Variants in SCAPER observed in about 807,000 individuals in gnomAD.
The protein encoded by SCAPER is S-phase cyclin A associated protein in the ER.
In SCAPER, 98 loss-of-function variants were observed where a neutral mutation model predicts 182.2. The ratio of observed to expected loss-of-function variants is 0.54; its 90% CI spans 0.46 to 0.64. The LOEUF (loss-of-function observed/expected upper bound fraction) is 0.64. Ranked by LOEUF, SCAPER falls within the 30% of genes least tolerant of loss-of-function variation. SCAPER has a pLI of 0.00. For synonymous variants in SCAPER, 605 were observed against 564.6 expected, an observed-to-expected ratio of 1.07 and a Z score of -1.01; for missense variants, 1,432 against 1,690.0, an observed-to-expected ratio of 0.85 and a Z score of 2.68.
chr15:76,603,205 T>C (rs2145813359), intron 22 of SCAPER, among the ~76,000 whole-genome samples: 1 of 118,200 alleles, frequency 8.5e-6, no homozygotes, highest in East Asian at 2.3e-4. Context: ...CCCACAACAG[T>C]CCCCAGAGTG....
intron 23 of SCAPER, among the ~76,000 whole-genome samples, chr15:76,532,679 G>C (rs922354434): frequency 1.3e-5 from 2 of 152,120 alleles, no homozygotes; most frequent in Admixed American, 1.3e-4. Flanking sequence ...ATTTTCTGAA[G>C]AAAATTCACC....
intron 21 of SCAPER, among the ~76,000 whole-genome samples, chr15:76,643,226 C>G (rs1293768471): frequency 6.6e-6 from 1 of 152,164 alleles, no homozygotes; most frequent in Non-Finnish European, 1.5e-5. Flanking sequence ...TTCTCCAATC[C>G]ATCTCCTTCC....
intron 27 of SCAPER, 96 bp downstream of exon 27, chr15:76,404,428 G>T: frequency 8.2e-7 from 1 of 1,213,778 alleles, no homozygotes; most frequent in Non-Finnish European, 1.1e-6. Flanking sequence ...TGGCCAAGAT[G>T]ACCACTTGAA....
intron 27 of SCAPER, among the ~76,000 whole-genome samples, chr15:76,399,033 C>T (rs1175581035): frequency 6.6e-6 from 1 of 152,184 alleles, no homozygotes; most frequent in Admixed American, 6.5e-5. Context: ...GAGCCTCAAC[C>T]AATTACAGCA....
chr15:76,557,612 C>T (rs1208358078), intron 23 of SCAPER, among the ~76,000 whole-genome samples: 3 of 152,124 alleles, frequency 2.0e-5, no homozygotes, highest in Non-Finnish European at 4.4e-5. Flanking sequence ...AGTGCCTGCT[C>T]CCCCTTTGCC....
At chr15:76,628,533 A>C (rs1164210682) in intron 21 of SCAPER, among the ~76,000 whole-genome samples, 1 of 152,198 alleles carries the variant, frequency 6.6e-6, no homozygotes, top group Non-Finnish European at 1.5e-5. Context: ...TGAATAGGGA[A>C]TCCTTTCCCC....
chr15:76,882,046 A>G (rs1289071446), intron 2 of SCAPER, among the ~76,000 whole-genome samples: 2 of 152,152 alleles, frequency 1.3e-5, no homozygotes, highest in Non-Finnish European at 2.9e-5. Flanking sequence ...TCAAAGGAAA[A>G]AGAATTCCCT....
chr15:76,723,445 G>A (rs547136936), intron 17 of SCAPER, among the ~76,000 whole-genome samples: 1 of 152,238 alleles, frequency 6.6e-6, no homozygotes, highest in African/African-American at 2.4e-5. Flanking sequence ...TGTCTATTAG[G>A]TCTGCTTGGT....
Position 76,805,016 on chromosome 15 carries a change from C to T in SCAPER, c.394-383G>A, listed in dbSNP as rs372750002. 2.6e-5 allele frequency among the ~76,000 whole-genome samples: 4 copies of T among 152,194 alleles called. No individual in the cohort carries two copies. The South Asian group carries it at 8.3e-4, about 32-fold the overall frequency. Reference sequence around the variant, plus strand: ...TTAAGTCCAGGAGTTCAAGACCAACCTGGGCAAGATAATAAGATGCCATCT... The same window carrying T: ...TTAAGTCCAGGAGTTCAAGACCAACTTGGGCAAGATAATAAGATGCCATCT... On this transcript the variant is annotated intron_variant, in intron 5 of 31. Transcript: ENST00000563290.
At chr15:76,614,636 C>A (rs1290502462) in intron 22 of SCAPER, among the ~76,000 whole-genome samples, 1 of 151,872 alleles carries the variant, frequency 6.6e-6, no homozygotes, top group Non-Finnish European at 1.5e-5. Context: ...AATGAAAGCA[C>A]AACATATCAA....
At chr15:76,566,425 A>T (rs1372537049) in intron 23 of SCAPER, among the ~76,000 whole-genome samples, 1 of 152,108 alleles carries the variant, frequency 6.6e-6, no homozygotes, top group Non-Finnish European at 1.5e-5. Flanking sequence ...ATTTGGCAGG[A>T]TTCTATAAAG....
intron 25 of SCAPER, among the ~76,000 whole-genome samples, chr15:76,466,903 C>A (rs887811056): frequency 6.6e-6 from 1 of 152,016 alleles, no homozygotes; most frequent in African/African-American, 2.4e-5. Context: ...TTTGGATTTG[C>A]GTCCCTGCCC....
At chr15:76,511,575 C>T (rs1201547254) in intron 23 of SCAPER, among the ~76,000 whole-genome samples, 1 of 152,162 alleles carries the variant, frequency 6.6e-6, no homozygotes, top group East Asian at 1.9e-4. Context: ...AGGATCCTTC[C>T]TCTCTTGTAA....
intron 22 of SCAPER, among the ~76,000 whole-genome samples, chr15:76,607,483 C>A (rs1201207599): frequency 6.6e-6 from 1 of 152,218 alleles, no homozygotes; most frequent in South Asian, 2.1e-4. Context: ...GTGAATCTGA[C>A]AATTTTGTGT....
chr15:76,490,616 T>C (rs1055731995), intron 24 of SCAPER, among the ~76,000 whole-genome samples: 12 of 152,214 alleles, frequency 7.9e-5, no homozygotes, highest in Non-Finnish European at 1.6e-4. Flanking sequence ...ATTGTTTCCT[T>C]TGATGTGACA....
At chr15:76,565,476 G>A (rs2046971786) in intron 23 of SCAPER, among the ~76,000 whole-genome samples, 2 of 151,950 alleles carry the variant, frequency 1.3e-5, no homozygotes, top group South Asian at 4.1e-4. Context: ...ACCACAATAA[G>A]ATATCATCTC....
intron 25 of SCAPER, among the ~76,000 whole-genome samples, chr15:76,437,261 ACT>A (rs964336127): frequency 2.0e-5 from 3 of 151,822 alleles, no homozygotes; most frequent in African/African-American, 7.3e-5. Flanking sequence ...ATAGCCAGTA[ACT>A]CTAATTCTTG....
intron 5 of SCAPER, among the ~76,000 whole-genome samples, chr15:76,836,397 C>A (rs1465817729): frequency 6.6e-6 from 1 of 151,916 alleles, no homozygotes; most frequent in African/African-American, 2.4e-5. Context: ...GTTAGGGAAC[C>A]CAGAAATAAA....
At chr15:76,716,121 G>A (rs1212881176) in intron 17 of SCAPER, among the ~76,000 whole-genome samples, 1 of 152,080 alleles carries the variant, frequency 6.6e-6, no homozygotes, top group African/African-American at 2.4e-5. Flanking sequence ...TACAACCTTT[G>A]CCCTAATAAC....
Sources: gnomAD v4.1 joint callset for allele counts (sites outside exome capture counted in the v4.1 genomes callset) on GRCh38, gnomAD v4.1.1 for gene constraint, MANE v1.5 for transcripts, NCBI Gene and HGNC (gene_info 2026-07-23, HGNC 2026-07-21) for gene names.